LRMDA: variants seen among roughly 807,000 people sequenced by gnomAD.
LRMDA encodes leucine rich melanocyte differentiation associated.
LRMDA carries 18 observed loss-of-function variants against 29.8 expected under a neutral mutation model. The observed-to-expected ratio is 0.60, with a 90% CI of 0.42 to 0.90. The LOEUF is 0.90. Ranked by LOEUF, LRMDA falls within the 40% of genes least tolerant of loss-of-function variation. LRMDA has a pLI of 0.00. For synonymous variants in LRMDA, 125 were observed against 109.4 expected, an observed-to-expected ratio of 1.14 and a Z score of -0.89; for missense variants, 273 against 273.9, an observed-to-expected ratio of 1.00 and a Z score of 0.02.
chr10:75,840,390 A>G (rs553411411), intron 2 of LRMDA, among the ~76,000 whole-genome samples: 17 of 152,170 alleles, frequency 1.1e-4, no homozygotes, highest in Non-Finnish European at 4.4e-5. Flanking sequence ...GCATCCTACA[A>G]TTATTATGAA....
chr10:75,776,670 C>T (rs1285903148), intron 2 of LRMDA, among the ~76,000 whole-genome samples: 1 of 152,084 alleles, frequency 6.6e-6, no homozygotes. Context: ...TACATTTTAC[C>T]CTGTCTTAGA....
intron 2 of LRMDA, among the ~76,000 whole-genome samples, chr10:75,660,614 C>T (rs932412632): frequency 2.0e-5 from 3 of 151,904 alleles, no homozygotes; most frequent in African/African-American, 7.3e-5. Context: ...AGCCACTTTA[C>T]AAGCAAACTC....
chr10:75,518,502 T>C (rs1049319985), intron 2 of LRMDA, among the ~76,000 whole-genome samples: 3 of 152,240 alleles, frequency 2.0e-5, no homozygotes, highest in African/African-American at 7.2e-5. Context: ...GTATTTATAG[T>C]ATTCTCTGAT....
At chr10:75,683,280 A>G (rs2463955) in intron 2 of LRMDA, among the ~76,000 whole-genome samples, 99,219 of 152,140 alleles carry the variant, frequency 0.65, 34,629 homozygotes, top group Non-Finnish European at 0.78. Context: ...ATAGCTGCTC[A>G]CAGAGCACAA....
intron 5 of LRMDA, among the ~76,000 whole-genome samples, chr10:76,198,378 AGCATGTTTTCTCTTG>A (rs1250301716): frequency 6.6e-6 from 1 of 152,242 alleles, no homozygotes; most frequent in African/African-American, 2.4e-5. Flanking sequence ...GAAGAGTCTT[AGCATGTTTTCTCTTG>A]GCATTGTTTG....
chr10:75,728,065 G>T (rs1336564170), intron 2 of LRMDA, among the ~76,000 whole-genome samples: 1 of 152,138 alleles, frequency 6.6e-6, no homozygotes, highest in Non-Finnish European at 1.5e-5. Flanking sequence ...CCCTCTGGGG[G>T]ATATTATGAT....
chr10:75,983,477 CAT>C (rs1243153054), intron 2 of LRMDA, among the ~76,000 whole-genome samples: 3 of 152,134 alleles, frequency 2.0e-5, no homozygotes, highest in African/African-American at 7.2e-5. Context: ...GAATCCTTCA[CAT>C]ATATGTGTGT....
At chr10:76,051,226 A>T (rs546016500) in intron 4 of LRMDA, among the ~76,000 whole-genome samples, 1 of 152,230 alleles carries the variant, frequency 6.6e-6, no homozygotes, top group Non-Finnish European at 1.5e-5. Flanking sequence ...TCTCCAGCTA[A>T]TCTACAATCT....
intron 5 of LRMDA, among the ~76,000 whole-genome samples, chr10:76,251,117 C>T (rs1428166917): frequency 6.6e-6 from 1 of 151,548 alleles, no homozygotes; most frequent in African/African-American, 2.4e-5. Context: ...AACAGCAAAT[C>T]CTAGAAAATA....
intron 2 of LRMDA, among the ~76,000 whole-genome samples, chr10:75,716,235 A>G (rs946952732): frequency 2.6e-5 from 4 of 152,218 alleles, no homozygotes; most frequent in Non-Finnish European, 4.4e-5. Flanking sequence ...AGAAATGTTA[A>G]GTGACTGACA....
intron 6 of LRMDA, among the ~76,000 whole-genome samples, chr10:76,343,003 T>G (rs545565857): frequency 6.6e-6 from 1 of 152,146 alleles, no homozygotes; most frequent in Admixed American, 6.6e-5. Flanking sequence ...AACCCTGATC[T>G]GTACTGTTTG....
Position 76,062,656 on chromosome 10 carries a change from C to CTG in LRMDA, c.516+3913_516+3914dup, listed in dbSNP as rs376071517. 5.0e-3 allele frequency among the ~76,000 whole-genome samples: 698 copies of CTG among 139,258 alleles called. 7 individuals carry two copies. The highest frequency in any genetic ancestry group is 0.021 in the East Asian group (104 of 4,850). 91.4% of individuals were successfully genotyped at this position (139,258 alleles called of 152,430 possible). A position where few individuals can be genotyped will look rare whatever the true frequency, so the allele number is the denominator to read the frequency against. ...ATGGATGCTTCCAGACTTTATCTCT[C>CTG]TGTGTGTGTGTGTGTGTGTGTGTGT... On this transcript the variant is annotated intron_variant, in intron 5 of 6. Transcript: ENST00000611255.
intron 2 of LRMDA, among the ~76,000 whole-genome samples, chr10:75,723,790 T>G (rs1459128634): frequency 2.0e-5 from 3 of 152,244 alleles, no homozygotes; most frequent in Admixed American, 6.5e-5. Flanking sequence ...AGTGGAAAAT[T>G]TGATAGTTGT....
intron 5 of LRMDA, among the ~76,000 whole-genome samples, chr10:76,145,537 T>A (rs1850298105): frequency 6.7e-6 from 1 of 149,056 alleles, no homozygotes; most frequent in African/African-American, 2.5e-5. Context: ...GGTGGTGATA[T>A]CCCCTTTGTC....
At chr10:75,618,728 C>A (rs1214159118) in intron 2 of LRMDA, among the ~76,000 whole-genome samples, 1 of 148,822 alleles carries the variant, frequency 6.7e-6, no homozygotes, top group African/African-American at 2.5e-5. Context: ...AAATAGTAAG[C>A]TAGAAAAAAG....
chr10:75,516,537 T>G (rs1047489038), intron 2 of LRMDA, among the ~76,000 whole-genome samples: 2 of 152,216 alleles, frequency 1.3e-5, no homozygotes, highest in Admixed American at 1.3e-4. Flanking sequence ...CTTTGCCCAC[T>G]TTTTGATGGG....
At chr10:76,481,174 AAG>A (rs1842730066) in intron 6 of LRMDA, among the ~76,000 whole-genome samples, 1 of 151,966 alleles carries the variant, frequency 6.6e-6, no homozygotes, top group South Asian at 2.1e-4. Context: ...TATTTAAACC[AAG>A]GAGATAAAGC....
intron 5 of LRMDA, among the ~76,000 whole-genome samples, chr10:76,156,610 C>A (rs1173421774): frequency 6.6e-6 from 1 of 152,064 alleles, no homozygotes; most frequent in African/African-American, 2.4e-5. Flanking sequence ...CAACTCCATG[C>A]CTGGCAGTCC....
chr10:75,998,652 G>A (rs1243771223), intron 2 of LRMDA, among the ~76,000 whole-genome samples: 1 of 152,182 alleles, frequency 6.6e-6, no homozygotes, highest in Non-Finnish European at 1.5e-5. Flanking sequence ...ACGATCCAGG[G>A]CCCAAGGCCA....
Sources: gnomAD v4.1 joint callset for allele counts (sites outside exome capture counted in the v4.1 genomes callset) on GRCh38, gnomAD v4.1.1 for gene constraint, MANE v1.5 for transcripts, NCBI Gene and HGNC (gene_info 2026-07-23, HGNC 2026-07-21) for gene names.